The following PER3 variants were observed in gnomAD, a reference collection of about 807,000 sequenced individuals.
PER3 encodes period circadian protein homolog 3.
In PER3, 107 loss-of-function variants were observed where a neutral mutation model predicts 127.2. That is an observed-to-expected ratio of 0.84 (90% confidence interval 0.72 to 0.99). The LOEUF is 0.99. PER3 is among the 50% of genes least tolerant of loss of function. The probability of loss-of-function intolerance (pLI) is 0.00; values close to 1 mark genes in which losing one functional copy is unlikely to be tolerated. For synonymous variants in PER3, 618 were observed against 585.8 expected (o/e 1.05, Z -0.79); for missense variants, 1,560 against 1,525.8 (o/e 1.02, Z -0.37).
At chr1:7,804,634 C>CAAGCATCCTCCTGCCTCAGCCTCA (rs1483088112) in intron 10 of PER3, among the ~76,000 whole-genome samples, 1 of 151,972 alleles carries the variant, frequency 6.6e-6, no homozygotes, top group African/African-American at 2.4e-5. Flanking sequence ...CTCCTGTACT[C>CAAGCATCCTCCTGCCTCAGCCTCA]AAGCATCCTC....
intron 13 of PER3, among the ~76,000 whole-genome samples, chr1:7,812,424 A>G (rs1164852226): frequency 6.6e-6 from 1 of 151,938 alleles, no homozygotes; most frequent in African/African-American, 2.4e-5. Context: ...CAGGAGATCG[A>G]GACCATCCTG....
intron 8 of PER3, among the ~76,000 whole-genome samples, chr1:7,801,698 G>C (rs1368652335): frequency 6.6e-6 from 1 of 152,144 alleles, no homozygotes; most frequent in African/African-American, 2.4e-5. Context: ...TACTTTTGGG[G>C]GATGTTGAAA....
rs777877437 is a variant in PER3, at chr1:7,827,192, C to A, written c.2263C>A (p.Pro755Thr). Residue 755 changes from proline to threonine, a missense_variant, in exon 18 of 22, where the codon CCG (proline) becomes ACG (threonine). Transcript: ENST00000377532. The part of the protein sequence containing the change: ...GKHKRKKLPE[P>T]PDSSSSNTGS... Reference sequence around the variant, plus strand: ...GCACAAGCGGAAGAAGCTGCCGGAGCCGCCAGACAGCAGCAGCTCGAACAC... The same window carrying A: ...GCACAAGCGGAAGAAGCTGCCGGAGACGCCAGACAGCAGCAGCTCGAACAC... The A allele has an allele frequency of 6.2e-7, 1 of 1,613,400 alleles. No individual in the cohort carries two copies. The highest frequency in any genetic ancestry group is 8.5e-7 in the Non-Finnish European group (1 of 1,179,786).
At position 7,801,189 on chromosome 1, in the gene PER3, AAAGT is replaced by A. The variant is rs779896435; in HGVS notation, c.872+4_872+7del. Reference sequence around the variant, plus strand: ...GGTGTGTTTTTCTTGAAGTAGATGAAAAGTAAGTACTTCTTTAAGCCTAAAAGAA... The same window carrying A: ...GGTGTGTTTTTCTTGAAGTAGATGAAAAGTACTTCTTTAAGCCTAAAAGAA... On this transcript the variant is annotated splice_donor_variant and coding_sequence_variant, in exon 8 of 22. Transcript: ENST00000377532. LOFTEE classifies it high-confidence loss of function. 3.9e-6 allele frequency: 6 copies of A among 1,541,746 alleles called. No individual in the cohort carries two copies. Among genetic ancestry groups the A allele is most frequent in the East Asian group, 4.5e-5 (2 of 44,364 alleles).
rs1403235390 is a variant in PER3, at chr1:7,798,561, C to G, written c.681C>G (p.Ser227=). The part of the protein sequence containing the change: ...GEDRKQEKCH[S]PFRIIPYLIH... ...ACAGAAAGCAAGAGAAGTGTCACTC[C>G]CCATTCCGGATCATCCCCTATCTGA... The change falls in exon 7 of 22, where the codon TCC becomes TCG. Residue 227 remains serine (S), a synonymous_variant. Coordinates refer to ENST00000377532, the MANE Select transcript of PER3 (RefSeq NM_001377275.1). The G allele has an allele frequency of 1.9e-6, 3 of 1,613,428 alleles. No individual in the cohort carries two copies. Among genetic ancestry groups the G allele is most frequent in the Non-Finnish European group, 2.5e-6 (3 of 1,179,522 alleles).
At chr1:7,834,140 A>C (rs549241873) in intron 19 of PER3, among the ~76,000 whole-genome samples, 2 of 152,274 alleles carry the variant, frequency 1.3e-5, no homozygotes, top group East Asian at 3.9e-4. Flanking sequence ...GACTGAACTC[A>C]AACTCCTGAC....
At chr1:7,806,779 G>A (rs1439262516) in intron 10 of PER3, among the ~76,000 whole-genome samples, 7 of 121,266 alleles carry the variant, frequency 5.8e-5, no homozygotes, top group African/African-American at 2.3e-4. Context: ...GGGCAGCAGA[G>A]CAAGACCCTG....
At position 7,810,463 on chromosome 1, in the gene PER3, G is replaced by C; in HGVS notation, c.1397G>C (p.Ser466Thr). Residue 466 changes from serine to threonine, a missense_variant, in exon 13 of 22, where the codon AGT (serine) becomes ACT (threonine). Around this residue, in one of 3 missense-constraint regions of PER3, gnomAD observed 1,332 missense variants for 1,223.6 expected, o/e 1.09. Transcript: ENST00000377532. Reference protein sequence around the residue: ...EQMTLQQVYASVNKIKNLGQQ... With the variant: ...EQMTLQQVYATVNKIKNLGQQ... ...ATGACCTTGCAGCAGGTCTATGCCA[G>C]TGTGAACAAAATTAAAAATCTGGGT... The C allele has an allele frequency of 6.2e-7, 1 of 1,611,926 alleles. No individual in the cohort carries two copies. The highest frequency in any genetic ancestry group is 1.7e-5 in the Admixed American group (1 of 59,696).
intron 6 of PER3, among the ~76,000 whole-genome samples, chr1:7,794,291 G>A (rs1419750012): frequency 3.3e-5 from 5 of 152,094 alleles, no homozygotes; most frequent in South Asian, 4.1e-4. Flanking sequence ...TCAAGGGGTC[G>A]AGAACATCCT....
At chr1:7,794,883 TTA>T (rs1262538076) in intron 6 of PER3, among the ~76,000 whole-genome samples, 1 of 150,672 alleles carries the variant, frequency 6.6e-6, no homozygotes, top group Non-Finnish European at 1.5e-5. Context: ...ATATATTCTG[TTA>T]TGTTATATAT....
rs144520692 is a variant in PER3 at position 7,801,894 on chromosome 1, A to T, written c.872+703A>T. On this transcript the variant is annotated intron_variant, in intron 8 of 21. Transcript: ENST00000377532. ...TCAAAAATCTGGGAACCAACACACC[A>T]CACCACACATAACTGAAAAGCAAAA... Among the ~76,000 whole-genome samples, 93 of 152,306 alleles carry T rather than the reference A, an allele frequency of 6.1e-4. 2 individuals carry two copies. In the East Asian group the frequency reaches 0.015, roughly 25 times the overall value.
In PER3 at chr1:7,842,777, C is replaced by T; in HGVS notation, c.*22C>T. ...TTGAGTGACTGTGAGGATGAACCTTCATACCCTTTCCAAGACGTGTTACAC... is the reference window on the plus strand; with the variant it reads ...TTGAGTGACTGTGAGGATGAACCTTTATACCCTTTCCAAGACGTGTTACAC... On this transcript the variant is annotated 3_prime_UTR_variant, in exon 22 of 22. Coordinates refer to ENST00000377532, the MANE Select transcript of PER3 (RefSeq NM_001377275.1). 6.2e-7 allele frequency: 1 copy of T among 1,605,640 alleles called. No individual in the cohort carries two copies. The highest frequency in any genetic ancestry group is 1.3e-5 in the African/African-American group (1 of 74,910).
Position 7,790,384 on chromosome 1 carries a change from A to T in PER3, c.592+2138A>T, listed in dbSNP as rs182935650. ...GAGTGAAGGAGGAAGCCCTTTATAAAGCCATCAGATCTCTTGAGAACTTAC... is the reference window on the plus strand; with the variant it reads ...GAGTGAAGGAGGAAGCCCTTTATAATGCCATCAGATCTCTTGAGAACTTAC... On this transcript the variant is annotated intron_variant, in intron 5 of 21. Coordinates refer to ENST00000377532, the MANE Select transcript of PER3 (RefSeq NM_001377275.1). Among the ~76,000 whole-genome samples the T allele has an allele frequency of 3.0e-4, 45 of 152,304 alleles. No individual in the cohort carries two copies. In the Middle Eastern group the frequency reaches 0.01, roughly 35 times the overall value.
At chr1:7,787,565 G>A (rs749399137) in intron 4 of PER3, 1 of 356,842 alleles carries the variant, frequency 2.8e-6, no homozygotes, top group Non-Finnish European at 5.5e-6. Context: ...AGGAAAGTAT[G>A]CCAATGCTAG....
chr1:7,787,265 A>AT (rs1176732451), intron 4 of PER3: 1 of 796,318 alleles, frequency 1.3e-6, no homozygotes, highest in Non-Finnish European at 1.6e-6. Flanking sequence ...AGATGCTGTC[A>AT]TTTTTCCTAA....
chr1:7,789,195 T>A (rs1558381428), intron 5 of PER3, among the ~76,000 whole-genome samples: 1 of 148,954 alleles, frequency 6.7e-6, no homozygotes, highest in Non-Finnish European at 1.5e-5. Context: ...TCTCTCTAAT[T>A]AAAAAAAAAA....
rs973876695 is a variant in PER3 at position 7,844,999 on chromosome 1, C to A, written c.*2244C>A. ...AACAAAATGCTGTATGAATGGAAAT[C>A]ATTTTGCAATTGAGTGACACTTCAT... On this transcript the variant is annotated 3_prime_UTR_variant, in exon 22 of 22. Transcript: ENST00000377532. 6.6e-6 allele frequency: 1 copy of A among 152,372 alleles called. No individual in the cohort carries two copies. Among genetic ancestry groups the A allele is most frequent in the Non-Finnish European group, 1.5e-5 (1 of 68,030 alleles). The allele number at this position is 152,372 out of a possible 1,614,324, so 9.4% of individuals were successfully genotyped here. A position where few individuals can be genotyped will look rare whatever the true frequency, so the allele number is the denominator to read the frequency against.
chr1:7,821,764 A>G (rs969560258), intron 16 of PER3, among the ~76,000 whole-genome samples: 2 of 152,222 alleles, frequency 1.3e-5, no homozygotes, highest in African/African-American at 2.4e-5. Flanking sequence ...CAACATTTAC[A>G]GGGCCACATC....
Position 7,842,770 on chromosome 1 carries a change from G to T in PER3, c.*15G>T. 1.2e-6 allele frequency: 2 copies of T among 1,610,072 alleles called. No homozygotes were observed. Among genetic ancestry groups the T allele is most frequent in the South Asian group, 2.2e-5 (2 of 90,768 alleles). On this transcript the variant is annotated 3_prime_UTR_variant, in exon 22 of 22. Coordinates refer to ENST00000377532, the MANE Select transcript of PER3 (RefSeq NM_001377275.1). ...ACAGCTGTTGAGTGACTGTGAGGAT[G>T]AACCTTCATACCCTTTCCAAGACGT...
Sources: allele counts gnomAD v4.1 joint callset (sites outside exome capture counted in the v4.1 genomes callset), GRCh38; gene constraint gnomAD v4.1.1; regional missense constraint gnomAD v4.1.1; transcripts MANE v1.5; gene names NCBI Gene and HGNC (gene_info 2026-07-23, HGNC 2026-07-21).